Variants in THSD7B observed in about 807,000 individuals in gnomAD.
THSD7B encodes thrombospondin type 1 domain containing 7B.
THSD7B carries 138 observed loss-of-function variants against 213.6 expected under a neutral mutation model. The ratio of observed to expected loss-of-function variants is 0.65; its 90% CI spans 0.56 to 0.74. THSD7B has a LOEUF of 0.74. Among genes scored for constraint, THSD7B ranks in the 30% least tolerant of loss-of-function variants. THSD7B has a pLI of 0.00. For missense variants in THSD7B, 1,931 were observed against 1,991.5 expected, an observed-to-expected ratio of 0.97 and a Z score of 0.58; for synonymous variants, 742 against 687.0, an observed-to-expected ratio of 1.08 and a Z score of -1.25.
chr2:137,656,785 T>G lies in THSD7B; in HGVS notation c.4106-11T>G. 6.2e-7 allele frequency: 1 copy of G among 1,612,542 alleles called. No individual in the cohort carries two copies. The highest frequency in any genetic ancestry group is 8.5e-7 in the Non-Finnish European group (1 of 1,178,980). On this transcript the variant is annotated splice_polypyrimidine_tract_variant and intron_variant, in intron 22 of 27. Transcript: ENST00000409968. The stretch of plus-strand genomic sequence containing the variant: ...GCTGTTTTCTCCACCCTGTACTGCA[T>G]GACTGTCCAGGAGACTGCCATTTAA...
At chr2:137,047,724 G>A (rs1315909218) in intron 2 of THSD7B, among the ~76,000 whole-genome samples, 3 of 152,100 alleles carry the variant, frequency 2.0e-5, no homozygotes, top group African/African-American at 7.2e-5. Context: ...TAAGTCTCCA[G>A]GCTTGGTCTG....
intron 15 of THSD7B, among the ~76,000 whole-genome samples, chr2:137,532,959 T>A (rs1412313881): frequency 6.6e-6 from 1 of 151,308 alleles, no homozygotes; most frequent in African/African-American, 2.4e-5. Context: ...TACCATACAT[T>A]TATGTATCTA....
At chr2:137,231,452 T>A (rs1681637532) in intron 8 of THSD7B, among the ~76,000 whole-genome samples, 1 of 152,186 alleles carries the variant, frequency 6.6e-6, no homozygotes, top group Non-Finnish European at 1.5e-5. Flanking sequence ...TGAATTGCTT[T>A]ACCACATACC....
At chr2:137,078,924 T>C (rs1361428057) in intron 3 of THSD7B, among the ~76,000 whole-genome samples, 1 of 152,192 alleles carries the variant, frequency 6.6e-6, no homozygotes, top group Non-Finnish European at 1.5e-5. Flanking sequence ...TTTGTTTTCA[T>C]TTTTAAATTC....
intron 5 of THSD7B, among the ~76,000 whole-genome samples, chr2:137,131,082 G>A (rs1484800874): frequency 7.7e-6 from 1 of 129,164 alleles, no homozygotes; most frequent in Non-Finnish European, 1.7e-5. Context: ...TAACTGATGT[G>A]AGATGGTATC....
chr2:136,994,244 A>G, intron 2 of THSD7B, among the ~76,000 whole-genome samples: 1 of 152,186 alleles, frequency 6.6e-6, no homozygotes, highest in South Asian at 2.1e-4. Context: ...GAGGTTTGTA[A>G]GGCTTTGAAT....
At chr2:137,098,465 A>G (rs1688080994) in intron 4 of THSD7B, among the ~76,000 whole-genome samples, 1 of 152,142 alleles carries the variant, frequency 6.6e-6, no homozygotes, top group Non-Finnish European at 1.5e-5. Context: ...TGGAAGAGCT[A>G]TGGAAAAAAT....
intron 2 of THSD7B, among the ~76,000 whole-genome samples, chr2:136,899,992 A>T (rs1390271916): frequency 6.6e-6 from 1 of 151,842 alleles, no homozygotes; most frequent in African/African-American, 2.4e-5. Flanking sequence ...ACTAAGCTCC[A>T]CTCCCTGTGC....
chr2:136,892,851 T>C (rs546450896), intron 2 of THSD7B, among the ~76,000 whole-genome samples: 57 of 152,294 alleles, frequency 3.7e-4, no homozygotes, highest in Non-Finnish European at 6.9e-4. Context: ...TGTTGGTTCA[T>C]ACTCTTCTGT....
At chr2:137,442,564 C>A (rs1280332543) in intron 14 of THSD7B, among the ~76,000 whole-genome samples, 1 of 151,622 alleles carries the variant, frequency 6.6e-6, no homozygotes, top group East Asian at 1.9e-4. Context: ...GATTGAGCAG[C>A]CAGGAATATT....
chr2:137,388,923 T>A (rs1331644945), intron 12 of THSD7B, among the ~76,000 whole-genome samples: 1 of 152,024 alleles, frequency 6.6e-6, no homozygotes, highest in Non-Finnish European at 1.5e-5. Context: ...TTCATTGATG[T>A]ACTTATGTTG....
intron 1 of THSD7B, among the ~76,000 whole-genome samples, chr2:136,839,876 A>G (rs1410784175): frequency 1.3e-5 from 2 of 152,206 alleles, no homozygotes; most frequent in Non-Finnish European, 2.9e-5. Flanking sequence ...ATGAGCTTCA[A>G]AATGGTATCT....
intron 2 of THSD7B, among the ~76,000 whole-genome samples, chr2:136,950,764 A>G (rs1251968695): frequency 1.3e-5 from 2 of 152,142 alleles, no homozygotes; most frequent in African/African-American, 4.8e-5. Context: ...GGTGTTCACT[A>G]CTATTTTGCA....
chr2:137,637,903 A>G (rs1464942759), intron 20 of THSD7B, among the ~76,000 whole-genome samples: 1 of 152,236 alleles, frequency 6.6e-6, no homozygotes. Context: ...TTATAATGAC[A>G]TTAGGATAAT....
chr2:136,929,411 G>A (rs541783333), intron 2 of THSD7B, among the ~76,000 whole-genome samples: 5 of 152,208 alleles, frequency 3.3e-5, no homozygotes, highest in East Asian at 3.9e-4. Flanking sequence ...ATTAAAGTAC[G>A]TACATCTTGT....
chr2:136,771,464 A>T (rs1224519120), intron 1 of THSD7B, among the ~76,000 whole-genome samples: 1 of 152,160 alleles, frequency 6.6e-6, no homozygotes, highest in Non-Finnish European at 1.5e-5. Flanking sequence ...GCCTGTCGTT[A>T]ATTTCCTATT....
At chr2:137,286,973 T>G (rs1057209130) in intron 12 of THSD7B, among the ~76,000 whole-genome samples, 6 of 152,152 alleles carry the variant, frequency 3.9e-5, no homozygotes, top group African/African-American at 1.4e-4. Context: ...GTTGCTGATA[T>G]AGGCAACAGG....
rs979890972 is a variant in THSD7B at position 137,670,793 on chromosome 2, C to T, written c.4739+2932C>T. Among the ~76,000 whole-genome samples, 10 of 151,880 alleles carry T rather than the reference C, an allele frequency of 6.6e-5. No homozygotes were observed. In the South Asian group the frequency reaches 1.0e-3, roughly 16 times the overall value. ...AAAATTAGCCAGGTGTGGTGGCGGGCGCCTGTAGTCCCAGCTACTCCGGAG... is the reference window on the plus strand; with the variant it reads ...AAAATTAGCCAGGTGTGGTGGCGGGTGCCTGTAGTCCCAGCTACTCCGGAG... On this transcript the variant is annotated intron_variant, in intron 27 of 27. Transcript: ENST00000409968.
Position 137,372,323 on chromosome 2 carries a change from C to CTTTTTTTTTT in THSD7B, c.2501-33271_2501-33262dup, listed in dbSNP as rs55635315. The stretch of plus-strand genomic sequence containing the variant: ...AGGCCAGAGAGAGTCTGATAATACT[C>CTTTTTTTTTT]TTTTTTTTTTTTTTTTTTTTTTTTT... On this transcript the variant is annotated intron_variant, in intron 12 of 27. Transcript: ENST00000409968. Among the ~76,000 whole-genome samples, 49 of 57,530 alleles carry CTTTTTTTTTT rather than the reference C, an allele frequency of 8.5e-4. 6 individuals carry two copies. The highest frequency in any genetic ancestry group is 1.3e-3 in the South Asian group (1 of 786). 37.7% of individuals were successfully genotyped at this position (57,530 alleles called of 152,430 possible). A position where few individuals can be genotyped will look rare whatever the true frequency, so the allele number is the denominator to read the frequency against.
Sources: gnomAD v4.1 joint callset for allele counts (sites outside exome capture counted in the v4.1 genomes callset) on GRCh38, gnomAD v4.1.1 for gene constraint, MANE v1.5 for transcripts, NCBI Gene and HGNC (gene_info 2026-07-23, HGNC 2026-07-21) for gene names.